The following GLG1 variants were observed in gnomAD, a reference collection of about 807,000 sequenced individuals.
GLG1 encodes Golgi apparatus protein 1.
A neutral mutation model predicts 160.5 loss-of-function variants in GLG1; 38 were observed. That is an observed-to-expected ratio of 0.24 (90% CI 0.18 to 0.31). The LOEUF is 0.31. Ranked by LOEUF, GLG1 falls within the 10% of genes least tolerant of loss-of-function variation. The pLI is 1.00. For synonymous variants in GLG1, 644 were observed against 543.4 expected, an observed-to-expected ratio of 1.19 and a Z score of -2.57; for missense variants, 1,373 against 1,505.2, an observed-to-expected ratio of 0.91 and a Z score of 1.45.
At chr16:74,464,964 G>C (rs955085426) in intron 19 of GLG1, among the ~76,000 whole-genome samples, 1 of 152,078 alleles carries the variant, frequency 6.6e-6, no homozygotes, top group Non-Finnish European at 1.5e-5. Flanking sequence ...TCAGCCTCCT[G>C]AATAGCTGGG....
At position 74,480,844 on chromosome 16, in the gene GLG1, A is replaced by G. The variant is rs76708522; in HGVS notation, c.1674-450T>C. 5.3e-5 allele frequency among the ~76,000 whole-genome samples: 8 copies of G among 152,216 alleles called. 1 individual carries two copies. In the East Asian group the frequency reaches 1.4e-3, roughly 26 times the overall value. On this transcript the variant is annotated intron_variant, in intron 10 of 25. Transcript: ENST00000422840. ...TGGGATTACAGGCATAAGGCACTGC[A>G]CCCAGCCGTGAATTTTGTTCTTAAT...
At chr16:74,472,522 A>G (rs2015243116) in intron 13 of GLG1, 111 bp from the exon 14 acceptor site, 2 of 1,380,046 alleles carry the variant, frequency 1.4e-6, no homozygotes, top group Non-Finnish European at 2.0e-6. Flanking sequence ...AATCTAATAC[A>G]TACTTTTGGA....
In GLG1 at chr16:74,457,988, G is replaced by T; in HGVS notation, c.3151C>A (p.Leu1051Ile). ...IKTELCKKEV[L>I]NMLKESKADI... The stretch of plus-strand genomic sequence containing the variant: ...GCTTTGCTTTCCTTCAGCATGTTTA[G>T]CACTTCCTGGAAAGGGAGGGTCATT... The change falls in exon 24 of 26, where the codon CTA (leucine) becomes ATA (isoleucine). Residue 1051 changes from leucine (L) to isoleucine (I), a missense_variant. By Grantham distance (5) the Leu-to-Ile change is conservative. Coordinates refer to ENST00000422840, the MANE Select transcript of GLG1 (RefSeq NM_001145667.2). The T allele has an allele frequency of 6.2e-6, 10 of 1,613,736 alleles. No individual in the cohort carries two copies. Among genetic ancestry groups the T allele is most frequent in the Non-Finnish European group, 7.6e-6 (9 of 1,179,678 alleles).
At chr16:74,595,566 T>C (rs903723113) in intron 1 of GLG1, among the ~76,000 whole-genome samples, 1 of 152,214 alleles carries the variant, frequency 6.6e-6, no homozygotes, top group East Asian at 1.9e-4. Flanking sequence ...GGCTTTTTTT[T>C]CTGATTCTCC....
At chr16:74,462,392 G>T in intron 21 of GLG1, 96 bp downstream of exon 21, 1 of 1,199,886 alleles carries the variant, frequency 8.3e-7, no homozygotes, top group Non-Finnish European at 1.2e-6. Context: ...AAAAGGTCTT[G>T]GGAAAACGGG....
At chr16:74,492,132 A>G (rs1305382556) in intron 7 of GLG1, among the ~76,000 whole-genome samples, 3 of 150,262 alleles carry the variant, frequency 2.0e-5, no homozygotes, top group African/African-American at 7.3e-5. Context: ...CACGCCTGTA[A>G]TCCCAGCACT....
rs531174516 is a variant in GLG1, at chr16:74,482,336, G to A, written c.1673+687C>T. On this transcript the variant is annotated intron_variant, in intron 10 of 25. Coordinates refer to ENST00000422840, the MANE Select transcript of GLG1 (RefSeq NM_001145667.2). ...AAAAAAAATTAACTACCACACCATG[G>A]TGGCTTAACAACCGAATGGAGAAGC... 5.3e-5 allele frequency among the ~76,000 whole-genome samples: 8 copies of A among 152,258 alleles called. No individual in the cohort carries two copies. The East Asian group carries it at 1.5e-3, about 29-fold the overall frequency.
intron 18 of GLG1, 39 bp from the exon 19 acceptor site, chr16:74,465,852 G>A (rs377483566): frequency 2.2e-5 from 35 of 1,585,780 alleles, no homozygotes; most frequent in East Asian, 6.7e-5. Context: ...AGAGATGTCA[G>A]AGACTGCTCA....
intron 1 of GLG1, among the ~76,000 whole-genome samples, chr16:74,603,117 C>G (rs1442755819): frequency 1.3e-5 from 2 of 150,972 alleles, no homozygotes; most frequent in Non-Finnish European, 1.5e-5. Flanking sequence ...ACAACAGCAG[C>G]AGCAGCAGCA....
chr16:74,478,198 ATG>A (rs2015461410), intron 11 of GLG1, among the ~76,000 whole-genome samples: 2 of 152,180 alleles, frequency 1.3e-5, no homozygotes, highest in South Asian at 4.1e-4. Flanking sequence ...AGCAAAACTA[ATG>A]TGTCAGTCTA....
At chr16:74,574,883 C>CAGAAAA (rs2018943760) in intron 1 of GLG1, among the ~76,000 whole-genome samples, 1 of 24,792 alleles carries the variant, frequency 4.0e-5, no homozygotes, top group African/African-American at 2.5e-4. Flanking sequence ...GACTCTGTCT[C>CAGAAAA]AAAAAAAAAA....
chr16:74,555,788 A>T (rs2018334413), intron 1 of GLG1, among the ~76,000 whole-genome samples: 2 of 151,686 alleles, frequency 1.3e-5, no homozygotes, highest in Non-Finnish European at 2.9e-5. Context: ...AAATCAAGTC[A>T]CTAAGTCACA....
At position 74,463,732 on chromosome 16, in the gene GLG1, T is replaced by TTTGTTG. The variant is rs72240229; in HGVS notation, c.2668-259_2668-254dup. On this transcript the variant is annotated intron_variant, in intron 19 of 25. Coordinates refer to ENST00000422840, the MANE Select transcript of GLG1 (RefSeq NM_001145667.2). ...ACGCCCAGCTCATTTTTGTGTTTTTTTTGTTGTTGTTGTTGTTGTTTTAGC... is the reference window on the plus strand; with the variant it reads ...ACGCCCAGCTCATTTTTGTGTTTTTTTTGTTGTTGTTGTTGTTGTTGTTGTTTTAGC... 7.4e-3 allele frequency among the ~76,000 whole-genome samples: 1,124 copies of TTTGTTG among 151,230 alleles called. 15 individuals carry two copies. The highest frequency in any genetic ancestry group is 0.026 in the African/African-American group (1,063 of 41,134).
chr16:74,451,797 G>A lies in GLG1; in HGVS notation c.*1370C>T. On this transcript the variant is annotated 3_prime_UTR_variant, in exon 26 of 26. Transcript: ENST00000422840. ...ACCCCTCCCTCTCACACCCAGACTT[G>A]TCATCTCCACACTGGAGGAATGAGG... The A allele has an allele frequency of 2.3e-6, 1 of 441,876 alleles. No individual in the cohort carries two copies. Among genetic ancestry groups the A allele is most frequent in the South Asian group, 2.5e-5 (1 of 39,518 alleles). 27.4% of individuals were successfully genotyped at this position (441,876 alleles called of 1,614,324 possible).
intron 2 of GLG1, among the ~76,000 whole-genome samples, chr16:74,511,599 A>AAAG (rs1555511809): frequency 6.8e-6 from 1 of 146,612 alleles, no homozygotes. Flanking sequence ...AAAAAAAAAA[A>AAAG]AAAGAAAGAA....
chr16:74,524,650 TA>T (rs1186598637), intron 2 of GLG1, among the ~76,000 whole-genome samples: 2 of 151,960 alleles, frequency 1.3e-5, no homozygotes, highest in Non-Finnish European at 2.9e-5. Context: ...GGGAAGTACA[TA>T]AGGATATAAA....
chr16:74,514,970 G>GA (rs1014064806), intron 2 of GLG1, among the ~76,000 whole-genome samples: 75 of 142,458 alleles, frequency 5.3e-4, no homozygotes, highest in Non-Finnish European at 6.8e-4. Flanking sequence ...GAAAGCAAAA[G>GA]AAAAAAAAAA....
intron 3 of GLG1, among the ~76,000 whole-genome samples, chr16:74,506,490 G>T (rs1217902878): frequency 6.7e-6 from 1 of 148,394 alleles, no homozygotes; most frequent in Non-Finnish European, 1.5e-5. Context: ...GCTGAGGCAG[G>T]AGAATGGCAT....
chr16:74,485,367 A>G (rs2143339923), intron 9 of GLG1, among the ~76,000 whole-genome samples: 1 of 152,114 alleles, frequency 6.6e-6, no homozygotes, highest in Admixed American at 6.6e-5. Flanking sequence ...TTCTATTTCT[A>G]TTTTCTGTTT....
Sources: gnomAD v4.1 joint callset for allele counts (sites outside exome capture counted in the v4.1 genomes callset) on GRCh38, gnomAD v4.1.1 for gene constraint, MANE v1.5 for transcripts, NCBI Gene and HGNC (gene_info 2026-07-23, HGNC 2026-07-21) for gene names.